Variants in PCDHGA6 observed in about 807,000 individuals in gnomAD.
The protein encoded by PCDHGA6 is protocadherin gamma subfamily A, 6.
PCDHGA6 carries 41 observed loss-of-function variants against 60.6 expected under a neutral mutation model. The ratio of observed to expected loss-of-function variants is 0.68; its 90% CI spans 0.53 to 0.88. The LOEUF (loss-of-function observed/expected upper bound fraction) is 0.88. PCDHGA6 is among the 40% of genes least tolerant of loss of function. The pLI, the probability that PCDHGA6 is intolerant of heterozygous loss-of-function variation, is 0.00. For synonymous variants in PCDHGA6, 594 were observed against 524.4 expected (o/e 1.13, Z -1.81); for missense variants, 1,312 against 1,203.0 (o/e 1.09, Z -1.34).
intron 1 of PCDHGA6, chr5:141,388,021 T>G (rs933819691): frequency 6.9e-7 from 1 of 1,457,968 alleles, no homozygotes; most frequent in Non-Finnish European, 9.3e-7. Flanking sequence ...AAGGGCTCCG[T>G]AGTGGGGAAC....
In PCDHGA6 at chr5:141,375,882, A is replaced by G; in HGVS notation, c.1799A>G (p.Gln600Arg). 6.2e-7 allele frequency: 1 copy of G among 1,613,814 alleles called. No individual in the cohort carries two copies. Among genetic ancestry groups the G allele is most frequent in the Non-Finnish European group, 8.5e-7 (1 of 1,180,020 alleles). ...KVVAVDRDSGQNAWLSYRLLK... is the reference protein window; with the variant it reads ...KVVAVDRDSGRNAWLSYRLLK... ...GTGGCGGTGGACAGAGACTCGGGCCAGAACGCCTGGCTGTCCTACCGCCTG... is the reference window on the plus strand; with the variant it reads ...GTGGCGGTGGACAGAGACTCGGGCCGGAACGCCTGGCTGTCCTACCGCCTG... The change falls in exon 1 of 4, where the codon CAG (glutamine) becomes CGG (arginine). Residue 600 changes from glutamine (Q) to arginine (R), a missense_variant. Gln to Arg is a conservative substitution (Grantham distance 43). Coordinates refer to ENST00000517434, the MANE Select transcript of PCDHGA6 (RefSeq NM_018919.3).
intron 1 of PCDHGA6, chr5:141,421,067 T>G: frequency 1.4e-5 from 8 of 591,772 alleles, no homozygotes; most frequent in Non-Finnish European, 2.3e-5. Flanking sequence ...CAAAGCGGAA[T>G]GAGATGGATA....
chr5:141,475,547 G>A (rs2099364977), intron 1 of PCDHGA6, among the ~76,000 whole-genome samples: 1 of 152,176 alleles, frequency 6.6e-6, no homozygotes, highest in Non-Finnish European at 1.5e-5. Context: ...AGTAGGGTCC[G>A]GCTAATTGTC....
At chr5:141,410,535 A>T (rs2095405545) in intron 1 of PCDHGA6, 9 of 1,613,752 alleles carry the variant, frequency 5.6e-6, no homozygotes, top group Non-Finnish European at 7.6e-6. Context: ...TCCAATGAAG[A>T]CATGGTTTGC....
intron 1 of PCDHGA6, among the ~76,000 whole-genome samples, chr5:141,480,400 G>A (rs1364147575): frequency 6.8e-6 from 1 of 146,550 alleles, no homozygotes; most frequent in Non-Finnish European, 1.5e-5. Context: ...TGGCAATAGA[G>A]TGAGACCCTG....
intron 3 of PCDHGA6, chr5:141,507,213 G>C (rs1016967764): frequency 6.6e-6 from 1 of 152,558 alleles, no homozygotes; most frequent in African/African-American, 2.4e-5. Context: ...AGGGTTGCCA[G>C]ATAAAATACA....
rs1412247634 is a variant in PCDHGA6, at chr5:141,391,586, A to AAT, written c.2424+15083_2424+15084dup. 2.0e-5 allele frequency: 3 copies of AAT among 152,352 alleles called. No homozygotes were observed. In the South Asian group the frequency reaches 6.2e-4, roughly 32 times the overall value. The allele number at this position is 152,352 out of a possible 1,614,324, so 9.4% of individuals were successfully genotyped here. ...GCATAAGAAAATATATTCACAGGAA[A>AAT]ATATAAAGTTTTCAGATTTCATGAG... On this transcript the variant is annotated intron_variant, in intron 1 of 3. Coordinates refer to ENST00000517434, the MANE Select transcript of PCDHGA6 (RefSeq NM_018919.3).
At chr5:141,475,803 G>T in intron 1 of PCDHGA6, 1 of 319,920 alleles carries the variant, frequency 3.1e-6, no homozygotes, top group Non-Finnish European at 5.7e-6. Flanking sequence ...GAAGCCAAAG[G>T]AAAGTGAAGT....
intron 1 of PCDHGA6, among the ~76,000 whole-genome samples, chr5:141,436,424 T>C (rs2154557109): frequency 6.6e-6 from 1 of 152,322 alleles, no homozygotes; most frequent in Middle Eastern, 3.4e-3. Context: ...AAACAAATAA[T>C]GTACTCTGGG....
intron 1 of PCDHGA6, among the ~76,000 whole-genome samples, chr5:141,465,094 G>GTT (rs138941665): frequency 3.4e-5 from 5 of 148,194 alleles, no homozygotes; most frequent in Non-Finnish European, 6.0e-5. Flanking sequence ...TTTTCTAGTA[G>GTT]TTTTTTTTTT....
At chr5:141,472,256 T>C (rs2099275290) in intron 1 of PCDHGA6, among the ~76,000 whole-genome samples, 1 of 152,176 alleles carries the variant, frequency 6.6e-6, no homozygotes, top group South Asian at 2.1e-4. Flanking sequence ...TAAAGTTATA[T>C]TATAGCCGGG....
chr5:141,405,760 G>T (rs1048838050), intron 1 of PCDHGA6, among the ~76,000 whole-genome samples: 2 of 152,148 alleles, frequency 1.3e-5, no homozygotes, highest in East Asian at 3.9e-4. Context: ...TTACAGGCGT[G>T]AGCCACTGCG....
intron 1 of PCDHGA6, among the ~76,000 whole-genome samples, chr5:141,478,999 A>C (rs1220971456): frequency 2.0e-5 from 3 of 152,194 alleles, no homozygotes. Context: ...ATTAAAACTA[A>C]TAGCTTTTTG....
At chr5:141,450,932 C>G (rs868373954) in intron 1 of PCDHGA6, among the ~76,000 whole-genome samples, 1 of 151,134 alleles carries the variant, frequency 6.6e-6, no homozygotes, top group Admixed American at 6.6e-5. Context: ...TCAAGCAATT[C>G]TCCTACCTCA....
rs1430397717 is a variant in PCDHGA6 at position 141,374,467 on chromosome 5, C to A, written c.384C>A (p.Asp128Glu). The A allele has an allele frequency of 6.2e-7, 1 of 1,612,694 alleles. No homozygotes were observed. Among genetic ancestry groups the A allele is most frequent in the Admixed American group, 1.7e-5 (1 of 60,004 alleles). ...AAGTGGAAATAGTGGACATTAATGA[C>A]AATACACCCCGATTCTTAAAGGAAG... The part of the protein sequence containing the change: ...PVEVEIVDIN[D>E]NTPRFLKEEL... Residue 128 changes from aspartate (D) to glutamate (E), a missense_variant, in exon 1 of 4, where the codon GAC becomes GAA. Transcript: ENST00000517434.
chr5:141,399,968 G>T (rs1173181110), intron 1 of PCDHGA6: 2 of 1,612,128 alleles, frequency 1.2e-6, no homozygotes, highest in Non-Finnish European at 1.7e-6. Flanking sequence ...GGGCTCTTCA[G>T]CCTGGGGCTG....
In PCDHGA6 at chr5:141,511,979, T is replaced by C. The variant is rs1205375941; in HGVS notation, c.*806T>C. ...AGGAAGGGAAGTGTGTGGATGTGGA[T>C]GGTGGGGGCATGGACAAAGCTTGAC... On this transcript the variant is annotated 3_prime_UTR_variant, in exon 4 of 4. Transcript: ENST00000517434. The C allele has an allele frequency of 6.5e-5, 10 of 153,278 alleles. No individual in the cohort carries two copies. The highest frequency in any genetic ancestry group is 1.5e-4 in the Non-Finnish European group (10 of 68,568). The allele number at this position is 153,278 out of a possible 1,614,324, so 9.5% of individuals were successfully genotyped here.
intron 1 of PCDHGA6, chr5:141,403,468 C>G: frequency 6.2e-7 from 1 of 1,614,054 alleles, no homozygotes; most frequent in Non-Finnish European, 8.5e-7. Flanking sequence ...GCTACCAGCT[C>G]AGCCCCAATC....
chr5:141,415,521 G>T lies in PCDHGA6; in HGVS notation c.2424+39014G>T, dbSNP rs1357538686. 2.5e-6 allele frequency: 4 copies of T among 1,614,070 alleles called. No individual in the cohort carries two copies. The African/African-American group carries it at 5.3e-5, about 22-fold the overall frequency. Reference sequence around the variant, plus strand: ...TCCCCCAGCCCAATTATGCGGACACGCTCATCAGCCAGGAGAGCTGTGAGA... The same window carrying T: ...TCCCCCAGCCCAATTATGCGGACACTCTCATCAGCCAGGAGAGCTGTGAGA... On this transcript the variant is annotated intron_variant, in intron 1 of 3. Coordinates refer to ENST00000517434, the MANE Select transcript of PCDHGA6 (RefSeq NM_018919.3).
Sources: allele counts gnomAD v4.1 joint callset (sites outside exome capture counted in the v4.1 genomes callset), GRCh38; gene constraint gnomAD v4.1.1; transcripts MANE v1.5; gene names NCBI Gene and HGNC (gene_info 2026-07-23, HGNC 2026-07-21).